PAH: variants seen among roughly 807,000 people sequenced by gnomAD.
PAH encodes phenylalanine hydroxylase.
Under a neutral mutation model 62.0 loss-of-function variants are expected in PAH, and 64 were observed. The observed-to-expected ratio is 1.03, with a 90% CI of 0.84 to 1.27. The LOEUF is 1.27. Ranked by LOEUF, PAH falls within the 50% of genes most tolerant of loss-of-function variation. The pLI is 0.00. For synonymous variants in PAH, 195 were observed against 196.2 expected, an observed-to-expected ratio of 0.99 and a Z score of 0.05; for missense variants, 579 against 542.8, an observed-to-expected ratio of 1.07 and a Z score of -0.66.
chr12:102,953,223 C>A (rs1879821401), upstream of PAH: 1 of 152,202 alleles, frequency 6.6e-6, no homozygotes, highest in Non-Finnish European at 1.5e-5. Context: ...AATCCTGTAA[C>A]AAAATCCAGA....
intron 5 of PAH, among the ~76,000 whole-genome samples, chr12:102,856,629 A>G (rs1333355378): frequency 2.0e-5 from 3 of 152,204 alleles, no homozygotes; most frequent in Admixed American, 1.3e-4. Flanking sequence ...CCCCTCTGAG[A>G]CAAAGCTTCC....
At chr12:102,917,312 C>T (rs1179854436), upstream of PAH, 2 of 650,428 alleles carry the variant, frequency 3.1e-6, no homozygotes, top group African/African-American at 1.8e-5. Flanking sequence ...TGTCCTGACG[C>T]AGGAGGCCAG....
chr12:102,853,119 C>T, intron 6 of PAH, 169 bp from the exon 7 acceptor site: 1 of 695,274 alleles, frequency 1.4e-6, no homozygotes, highest in Non-Finnish European at 2.5e-6. Flanking sequence ...GCTAGGTGAT[C>T]TGGATCAAGT....
chr12:102,882,719 C>T (rs1876874379), intron 3 of PAH, among the ~76,000 whole-genome samples: 1 of 145,918 alleles, frequency 6.9e-6, no homozygotes, highest in African/African-American at 2.5e-5. Flanking sequence ...TAGCAGAGAG[C>T]AGAGTGGAAA....
intron 3 of PAH, among the ~76,000 whole-genome samples, chr12:102,891,577 G>A (rs76369667): frequency 0.024 from 3,580 of 152,240 alleles, 130 homozygotes; most frequent in African/African-American, 0.08. Context: ...GCTCTGCTCT[G>A]TTCCCAGTGC....
intron 5 of PAH, among the ~76,000 whole-genome samples, chr12:102,860,776 G>C (rs949848477): frequency 2.0e-5 from 3 of 152,186 alleles, no homozygotes; most frequent in African/African-American, 7.2e-5. Flanking sequence ...AAATTGGCTA[G>C]CCACGTGTAG....
intron 1 of PAH, among the ~76,000 whole-genome samples, chr12:102,930,732 A>G (rs1459875666): frequency 6.6e-6 from 1 of 152,248 alleles, no homozygotes; most frequent in Non-Finnish European, 1.5e-5. Flanking sequence ...TGATCAAAAC[A>G]GAATTTCTCT....
chr12:102,935,989 A>T (rs1003692209), intron 1 of PAH, among the ~76,000 whole-genome samples: 3 of 149,848 alleles, frequency 2.0e-5, no homozygotes, highest in Non-Finnish European at 4.5e-5. Context: ...GTTTATTTGA[A>T]TTTTTTTAAT....
At chr12:102,948,311 G>A (rs1879586687) in intron 1 of PAH, among the ~76,000 whole-genome samples, 1 of 152,206 alleles carries the variant, frequency 6.6e-6, no homozygotes, top group Non-Finnish European at 1.5e-5. Context: ...AAGTGAGGAT[G>A]AGGAAGAATC....
At chr12:102,919,051 T>G (rs919513080), upstream of PAH, among the ~76,000 whole-genome samples, 76 of 152,200 alleles carry the variant, frequency 5.0e-4, no homozygotes, top group Non-Finnish European at 1.0e-3. Flanking sequence ...CGTGCATGGT[T>G]TCACTTCTTC....
chr12:102,856,656 A>G (rs1875448654), intron 5 of PAH, among the ~76,000 whole-genome samples: 1 of 152,230 alleles, frequency 6.6e-6, no homozygotes, highest in African/African-American at 2.4e-5. Context: ...ATGATCAGGC[A>G]GCAACATTTG....
intron 1 of PAH, among the ~76,000 whole-genome samples, chr12:102,913,270 C>A (rs942416942): frequency 2.0e-5 from 3 of 152,112 alleles, no homozygotes; most frequent in Non-Finnish European, 2.9e-5. Flanking sequence ...AGCTCACAAT[C>A]TAACTTAATA....
chr12:102,940,937 T>C (rs1879265083), intron 1 of PAH, among the ~76,000 whole-genome samples: 2 of 152,050 alleles, frequency 1.3e-5, no homozygotes, highest in South Asian at 4.2e-4. Flanking sequence ...GGGCAGGTCA[T>C]TTGCAAAGGA....
chr12:102,911,859 CCT>C (rs1229992942), intron 2 of PAH, among the ~76,000 whole-genome samples: 6 of 152,190 alleles, frequency 3.9e-5, no homozygotes, highest in Non-Finnish European at 8.8e-5. Context: ...GCTACCCCTG[CCT>C]CCCAATCAGC....
At chr12:102,900,590 G>A (rs1365922908) in intron 2 of PAH, among the ~76,000 whole-genome samples, 1 of 152,122 alleles carries the variant, frequency 6.6e-6, no homozygotes, top group Admixed American at 6.5e-5. Context: ...GAGCTGAATT[G>A]TTTAAATCAT....
intron 11 of PAH, among the ~76,000 whole-genome samples, chr12:102,841,192 T>A (rs1874579318): frequency 6.6e-6 from 1 of 152,208 alleles, no homozygotes; most frequent in Admixed American, 6.5e-5. Context: ...AGTCTGACAC[T>A]GGCCTGGACC....
chr12:102,927,512 A>G (rs763582680), intron 1 of PAH, among the ~76,000 whole-genome samples: 8 of 152,084 alleles, frequency 5.3e-5, no homozygotes, highest in Admixed American at 1.3e-4. Context: ...TATGTGTTCA[A>G]TGCTTACTAG....
upstream of PAH, chr12:102,953,355 C>T (rs1437836672): frequency 6.6e-6 from 1 of 152,190 alleles, no homozygotes; most frequent in East Asian, 1.9e-4. Context: ...CTTTTAATAT[C>T]AATCCCTCTC....
In PAH at chr12:102,837,622, AC is replaced by A. The variant is rs965351983; in HGVS notation, c.*1552del. 1.3e-5 allele frequency: 2 copies of A among 152,172 alleles called. No homozygotes were observed. Among genetic ancestry groups the A allele is most frequent in the Non-Finnish European group, 2.9e-5 (2 of 68,028 alleles). The allele number at this position is 152,172 out of a possible 1,614,324, so 9.4% of individuals were successfully genotyped here. A position where few individuals can be genotyped will look rare whatever the true frequency, so the allele number is the denominator to read the frequency against. On this transcript the variant is annotated 3_prime_UTR_variant, in exon 13 of 13. Transcript: ENST00000553106. ...GGCATATATAAGCAGGTATTGTAAC[AC>A]CCCATCAGTGGATCAGGCATAGCTA...
Sources: gnomAD v4.1 joint callset for allele counts (sites outside exome capture counted in the v4.1 genomes callset) on GRCh38, gnomAD v4.1.1 for gene constraint, MANE v1.5 for transcripts, NCBI Gene and HGNC (gene_info 2026-07-23, HGNC 2026-07-21) for gene names.